The following FBXO15 variants were observed in gnomAD, a reference collection of about 807,000 sequenced individuals.
FBXO15 encodes F-box only protein 15.
A neutral mutation model predicts 49.5 loss-of-function variants in FBXO15; 30 were observed. The ratio of observed to expected loss-of-function variants is 0.61; its 90% CI spans 0.45 to 0.82. The LOEUF (loss-of-function observed/expected upper bound fraction) is 0.82. Among genes scored for constraint, FBXO15 ranks in the 40% least tolerant of loss-of-function variants. FBXO15 has a pLI of 0.00. For synonymous variants in FBXO15, 250 were observed against 232.7 expected (o/e 1.07, Z -0.68); for missense variants, 591 against 631.5 (o/e 0.94, Z 0.69).
intron 8 of FBXO15, among the ~76,000 whole-genome samples, chr18:74,119,745 G>T (rs79510660): frequency 9.2e-5 from 14 of 152,144 alleles, no homozygotes; most frequent in African/African-American, 2.9e-4. Flanking sequence ...GAGCTAGAGT[G>T]GGGAGGACAG....
At chr18:74,085,152 T>A (rs565143121) in intron 8 of FBXO15, among the ~76,000 whole-genome samples, 1 of 152,044 alleles carries the variant, frequency 6.6e-6, no homozygotes, top group African/African-American at 2.4e-5. Context: ...AATACTTATA[T>A]AAATAATAAT....
At chr18:74,126,503 T>A (rs1054781667) in intron 5 of FBXO15, among the ~76,000 whole-genome samples, 2 of 152,262 alleles carry the variant, frequency 1.3e-5, no homozygotes, top group African/African-American at 4.8e-5. Flanking sequence ...GATACACTAT[T>A]TCAAGTGACA....
At chr18:74,147,529 G>GTTCTTCCAT in intron 1 of FBXO15, 141 bp downstream of exon 1, 3 of 1,256,680 alleles carry the variant, frequency 2.4e-6, no homozygotes, top group Non-Finnish European at 3.0e-6. Context: ...TCCTCCGGTC[G>GTTCTTCCAT]TTCTTCCATA....
At chr18:74,106,948 A>G (rs1220149244) in intron 8 of FBXO15, among the ~76,000 whole-genome samples, 1 of 152,170 alleles carries the variant, frequency 6.6e-6, no homozygotes, top group African/African-American at 2.4e-5. Context: ...ACACAATGCA[A>G]TTTAAAAGGA....
Position 74,130,670 on chromosome 18 carries a change from A to T in FBXO15, c.333-12T>A. The T allele has an allele frequency of 4.4e-6, 7 of 1,607,650 alleles. No homozygotes were observed. Among genetic ancestry groups the T allele is most frequent in the Non-Finnish European group, 6.0e-6 (7 of 1,176,094 alleles). ...CGATCCAAATAAAACTGGAGGGAAA[A>T]GAGGAAATATGTTAACTAAGAGACA... On this transcript the variant is annotated splice_polypyrimidine_tract_variant and intron_variant, in intron 3 of 9. Transcript: ENST00000419743.
At chr18:74,107,815 G>A (rs1218299355) in intron 8 of FBXO15, among the ~76,000 whole-genome samples, 1 of 152,138 alleles carries the variant, frequency 6.6e-6, no homozygotes, top group Non-Finnish European at 1.5e-5. Flanking sequence ...ATGTACCAGA[G>A]CATTCTGTGC....
At chr18:74,077,269 G>A (rs1367800625) in intron 9 of FBXO15, among the ~76,000 whole-genome samples, 1 of 152,202 alleles carries the variant, frequency 6.6e-6, no homozygotes, top group Non-Finnish European at 1.5e-5. Context: ...TAGTGATGGA[G>A]GTGCTGGTTG....
At chr18:74,133,461 T>A (rs1316043167) in intron 3 of FBXO15, among the ~76,000 whole-genome samples, 1 of 152,214 alleles carries the variant, frequency 6.6e-6, no homozygotes, top group Non-Finnish European at 1.5e-5. Context: ...AGTTCTACCC[T>A]TAAATAAAGT....
At chr18:74,098,722 G>A (rs1913388166) in intron 8 of FBXO15, 1 of 152,200 alleles carries the variant, frequency 6.6e-6, no homozygotes, top group Non-Finnish European at 1.5e-5. Context: ...AACTTCACTG[G>A]CCTTGCTAGA....
chr18:74,096,380 C>T (rs979026068), intron 8 of FBXO15, among the ~76,000 whole-genome samples: 2 of 152,064 alleles, frequency 1.3e-5, no homozygotes, highest in East Asian at 3.9e-4. Flanking sequence ...CCAGGATATA[C>T]TCTTTGGGGC....
At chr18:74,091,909 G>T (rs909270138) in intron 8 of FBXO15, among the ~76,000 whole-genome samples, 2 of 152,148 alleles carry the variant, frequency 1.3e-5, no homozygotes, top group Non-Finnish European at 2.9e-5. Flanking sequence ...TGCACTTCCT[G>T]AATTTGAATG....
chr18:74,123,087 G>A (rs1914538753), intron 8 of FBXO15: 1 of 299,026 alleles, frequency 3.3e-6, no homozygotes, highest in East Asian at 6.4e-5. Context: ...AGAGAGCATG[G>A]AAAAATAATA....
intron 8 of FBXO15, among the ~76,000 whole-genome samples, chr18:74,096,537 AG>A (rs148741593): frequency 0.013 from 2,036 of 152,172 alleles, 46 homozygotes; most frequent in African/African-American, 0.047. Context: ...AAAAAACAAA[AG>A]CCAGACAGAG....
intron 8 of FBXO15, among the ~76,000 whole-genome samples, chr18:74,091,361 T>C (rs1913019380): frequency 6.6e-6 from 1 of 152,188 alleles, no homozygotes; most frequent in Non-Finnish European, 1.5e-5. Flanking sequence ...TGTCACTCTG[T>C]GCCTTTTAAT....
At chr18:74,084,434 C>T (rs895244318) in intron 8 of FBXO15, among the ~76,000 whole-genome samples, 2 of 152,180 alleles carry the variant, frequency 1.3e-5, no homozygotes, top group Non-Finnish European at 1.5e-5. Flanking sequence ...CAGGGGCCTG[C>T]GCCTCAGGCG....
intron 8 of FBXO15, among the ~76,000 whole-genome samples, chr18:74,083,054 C>T (rs1487053218): frequency 1.3e-5 from 2 of 152,180 alleles, no homozygotes; most frequent in African/African-American, 4.8e-5. Flanking sequence ...TGCCTGGGGC[C>T]TCTTTTGTGA....
chr18:74,098,298 A>C (rs974645506), intron 8 of FBXO15: 1 of 152,216 alleles, frequency 6.6e-6, no homozygotes, highest in Admixed American at 6.5e-5. Context: ...AAGAATCCAG[A>C]AGGTCAGTTA....
intron 2 of FBXO15, among the ~76,000 whole-genome samples, chr18:74,139,455 A>C (rs1438321319): frequency 6.6e-6 from 1 of 152,214 alleles, no homozygotes; most frequent in Non-Finnish European, 1.5e-5. Flanking sequence ...AATGTCCTTA[A>C]TGAAATATCC....
intron 4 of FBXO15, 53 bp from the exon 5 acceptor site, chr18:74,129,667 T>C: frequency 7.5e-7 from 1 of 1,330,520 alleles, no homozygotes; most frequent in Non-Finnish European, 1.0e-6. Flanking sequence ...AAAAAAAAAA[T>C]GCTAAAGGCA....
Sources: gnomAD v4.1 joint callset for allele counts (sites outside exome capture counted in the v4.1 genomes callset) on GRCh38, gnomAD v4.1.1 for gene constraint, MANE v1.5 for transcripts, NCBI Gene and HGNC (gene_info 2026-07-23, HGNC 2026-07-21) for gene names.